The following SORCS3 variants were observed in gnomAD, a reference collection of about 807,000 sequenced individuals.
SORCS3 encodes VPS10 domain-containing receptor SorCS3.
SORCS3 carries 57 observed loss-of-function variants against 146.3 expected under a neutral mutation model. The observed-to-expected ratio is 0.39, with a 90% CI of 0.31 to 0.49. The LOEUF (loss-of-function observed/expected upper bound fraction) is 0.49, where lower values mean the gene tolerates loss of function less well. Ranked by LOEUF, SORCS3 falls within the 20% of genes least tolerant of loss-of-function variation. SORCS3 has a pLI of 0.92. For missense variants in SORCS3, 1,341 were observed against 1,575.5 expected (o/e 0.85, Z 2.52); for synonymous variants, 653 against 618.5 (o/e 1.06, Z -0.83).
intron 4 of SORCS3, among the ~76,000 whole-genome samples, chr10:105,004,622 A>C (rs1161605602): frequency 6.6e-6 from 1 of 152,062 alleles, no homozygotes; most frequent in Non-Finnish European, 1.5e-5. Flanking sequence ...TTTTGGTTGA[A>C]TGCAACAGGA....
At chr10:105,038,314 G>A (rs556358958) in intron 4 of SORCS3, among the ~76,000 whole-genome samples, 25 of 152,186 alleles carry the variant, frequency 1.6e-4, no homozygotes, top group Non-Finnish European at 3.2e-4. Context: ...TTGAGTTGAA[G>A]CCATGCAGGA....
intron 1 of SORCS3, among the ~76,000 whole-genome samples, chr10:104,720,024 G>A (rs1044729371): frequency 6.6e-6 from 1 of 151,538 alleles, no homozygotes; most frequent in Non-Finnish European, 1.5e-5. Flanking sequence ...TGTGCACAAC[G>A]TGCAGGTTTG....
At chr10:105,127,303 A>C (rs1479321123) in intron 7 of SORCS3, among the ~76,000 whole-genome samples, 1 of 152,128 alleles carries the variant, frequency 6.6e-6, no homozygotes, top group Non-Finnish European at 1.5e-5. Context: ...ATTACTACCC[A>C]TTTGTAAAAG....
chr10:105,111,310 T>G (rs1286217369), intron 7 of SORCS3, among the ~76,000 whole-genome samples: 1 of 152,160 alleles, frequency 6.6e-6, no homozygotes, highest in Non-Finnish European at 1.5e-5. Flanking sequence ...TTCTTACCCA[T>G]TTGCATTATG....
chr10:104,909,079 A>G (rs1355483079), intron 2 of SORCS3, among the ~76,000 whole-genome samples: 3 of 152,032 alleles, frequency 2.0e-5, no homozygotes, highest in Admixed American at 1.3e-4. Flanking sequence ...TCTAGCTGAT[A>G]CCAGCTAGAG....
chr10:105,082,195 C>A (rs2055630609), intron 5 of SORCS3, among the ~76,000 whole-genome samples: 1 of 152,100 alleles, frequency 6.6e-6, no homozygotes, highest in South Asian at 2.1e-4. Context: ...GTTACAGGAG[C>A]CTTGTGAAGA....
chr10:104,721,514 A>G (rs968154147), intron 1 of SORCS3, among the ~76,000 whole-genome samples: 4 of 151,354 alleles, frequency 2.6e-5, no homozygotes, highest in Non-Finnish European at 1.5e-5. Context: ...TTCTGTGAAG[A>G]AAGTCATTGG....
intron 1 of SORCS3, among the ~76,000 whole-genome samples, chr10:104,807,850 A>G (rs1245081627): frequency 1.3e-5 from 2 of 152,190 alleles, no homozygotes; most frequent in Non-Finnish European, 2.9e-5. Flanking sequence ...AGGCTTCGTA[A>G]TTTACTTTCA....
chr10:104,667,005 G>A (rs1280908384), intron 1 of SORCS3, among the ~76,000 whole-genome samples: 1 of 152,236 alleles, frequency 6.6e-6, no homozygotes. Flanking sequence ...GAGAGAGAGA[G>A]AGAGAGGAGA....
In SORCS3 at chr10:105,065,456, C is replaced by T. The variant is rs150306105; in HGVS notation, c.1028+22328C>T. ...GAATTCATCCCAGGTAACTTGAGAA[C>T]CAACTGCACACGACGACCTCTGAGA... On this transcript the variant is annotated intron_variant, in intron 5 of 26. Coordinates refer to ENST00000369701, the MANE Select transcript of SORCS3 (RefSeq NM_014978.3). Among the ~76,000 whole-genome samples, 176 of 151,638 alleles carry T rather than the reference C, an allele frequency of 1.2e-3. 1 individual carries two copies. The highest frequency in any genetic ancestry group is 2.7e-3 in the Admixed American group (41 of 15,254).
At chr10:105,085,446 G>A (rs2055654032) in intron 5 of SORCS3, among the ~76,000 whole-genome samples, 1 of 152,162 alleles carries the variant, frequency 6.6e-6, no homozygotes, top group Non-Finnish European at 1.5e-5. Context: ...GAGCAGTTTT[G>A]AAGTACAAAT....
At chr10:105,056,822 G>A (rs1206627019) in intron 5 of SORCS3, among the ~76,000 whole-genome samples, 2 of 152,116 alleles carry the variant, frequency 1.3e-5, no homozygotes, top group East Asian at 3.8e-4. Context: ...CTAAACTGAA[G>A]ATAATCATTT....
intron 1 of SORCS3, among the ~76,000 whole-genome samples, chr10:104,703,475 A>G (rs2016303227): frequency 6.6e-6 from 1 of 152,128 alleles, no homozygotes; most frequent in Admixed American, 6.6e-5. Flanking sequence ...GATCAGTGCC[A>G]TCATCCTCAG....
intron 1 of SORCS3, among the ~76,000 whole-genome samples, chr10:104,727,635 G>A (rs867662346): frequency 2.0e-5 from 3 of 151,486 alleles, no homozygotes; most frequent in Admixed American, 6.6e-5. Flanking sequence ...AAGAATATAC[G>A]TGTGTGTGTG....
At chr10:104,838,630 G>T (rs1780253625) in intron 1 of SORCS3, among the ~76,000 whole-genome samples, 1 of 152,100 alleles carries the variant, frequency 6.6e-6, no homozygotes, top group South Asian at 2.1e-4. Flanking sequence ...CTCCTCATAC[G>T]TGTCCCACTC....
chr10:104,928,397 C>T (rs755251589), intron 3 of SORCS3, among the ~76,000 whole-genome samples: 4 of 152,152 alleles, frequency 2.6e-5, no homozygotes, highest in Admixed American at 1.3e-4. Context: ...TAGCAAAGTG[C>T]TTGGGAAGGC....
At chr10:104,993,220 G>A (rs1477346202) in intron 4 of SORCS3, among the ~76,000 whole-genome samples, 1 of 152,204 alleles carries the variant, frequency 6.6e-6, no homozygotes, top group Non-Finnish European at 1.5e-5. Context: ...TTTCCCAAAT[G>A]CACTAAGTGG....
chr10:104,729,184 T>A (rs960135769), intron 1 of SORCS3, among the ~76,000 whole-genome samples: 2 of 152,238 alleles, frequency 1.3e-5, no homozygotes, highest in Admixed American at 6.5e-5. Context: ...CTAGGAATCA[T>A]CATGGGATAA....
chr10:105,228,821 A>G (rs913135439), intron 20 of SORCS3, among the ~76,000 whole-genome samples: 6 of 152,214 alleles, frequency 3.9e-5, no homozygotes, highest in African/African-American at 1.2e-4. Context: ...ATAATGTGGC[A>G]TAAAGAAGAT....
Sources: allele counts gnomAD v4.1 joint callset (sites outside exome capture counted in the v4.1 genomes callset), GRCh38; gene constraint gnomAD v4.1.1; transcripts MANE v1.5; gene names NCBI Gene and HGNC (gene_info 2026-07-23, HGNC 2026-07-21).